The following DHX9 variants were observed in gnomAD, a reference collection of about 807,000 sequenced individuals.
The protein encoded by DHX9 is ATP-dependent RNA helicase A.
Under a neutral mutation model 148.7 loss-of-function variants are expected in DHX9, and 27 were observed. The ratio of observed to expected loss-of-function variants is 0.18; its 90% CI spans 0.13 to 0.25. The LOEUF (loss-of-function observed/expected upper bound fraction) is 0.25. Ranked by LOEUF, DHX9 falls within the 10% of genes least tolerant of loss-of-function variation. DHX9 has a pLI of 1.00. For synonymous variants in DHX9, 529 were observed against 516.6 expected (o/e 1.02, Z -0.33); for missense variants, 796 against 1,559.6 (o/e 0.51, Z 8.25).
At chr1:182,854,290 T>G (rs1668214222) in intron 6 of DHX9, 112 bp downstream of exon 6, 10 of 999,636 alleles carry the variant, frequency 1.0e-5, no homozygotes, top group African/African-American at 3.2e-5. Flanking sequence ...TGGATTAGAA[T>G]TGAATTGTTA....
rs1411740270 is a variant in DHX9, at chr1:182,887,413, A to G, written c.3792A>G (p.Gly1264=). 3 of 1,613,384 alleles carry G rather than the reference A, an allele frequency of 1.9e-6. No individual in the cohort carries two copies. The highest frequency in any genetic ancestry group is 2.7e-5 in the African/African-American group (2 of 74,900). Residue 1264 remains glycine (G), a synonymous_variant, in exon 28 of 28, where the codon GGA becomes GGG. Transcript: ENST00000367549. ...GAYGTGYFGQ[G]RGGGGY ...ATGGAACTGGCTACTTTGGACAGGG[A>G]AGAGGAGGTGGCGGCTATTAAAACT... is the stretch of plus-strand genomic sequence containing the variant.
At chr1:182,852,394 C>A in intron 4 of DHX9, 50 bp downstream of exon 4, 1 of 1,282,956 alleles carries the variant, frequency 7.8e-7, no homozygotes, top group Non-Finnish European at 1.1e-6. Context: ...TATACACAAT[C>A]TTGATCACCA....
Position 182,858,540 on chromosome 1 carries a change from T to G in DHX9, c.811-11T>G. 6.3e-7 allele frequency: 1 copy of G among 1,592,778 alleles called. No individual in the cohort carries two copies. The highest frequency in any genetic ancestry group is 8.6e-7 in the Non-Finnish European group (1 of 1,166,648). On this transcript the variant is annotated splice_polypyrimidine_tract_variant and intron_variant, in intron 8 of 27. Coordinates refer to ENST00000367549, the MANE Select transcript of DHX9 (RefSeq NM_001357.5). ...GAGTAGTGTTGTTAATGTGTGATCC[T>G]TTTTCCATAGGTGGAGCCTTACAAA...
chr1:182,850,385 A>G (rs1471274125), intron 3 of DHX9, among the ~76,000 whole-genome samples: 1 of 152,154 alleles, frequency 6.6e-6, no homozygotes. Context: ...TCTTGAGTCC[A>G]GAAGTTCAAG....
At position 182,843,430 on chromosome 1, in the gene DHX9, T is replaced by C; in HGVS notation, c.248T>C (p.Phe83Ser). The C allele has an allele frequency of 6.3e-7, 1 of 1,598,332 alleles. No individual in the cohort carries two copies. Among genetic ancestry groups the C allele is most frequent in the South Asian group, 1.1e-5 (1 of 88,016 alleles). Reference sequence around the variant, plus strand: ...ATAAAGAGTGAAGAAGTTCCAGCTTTTGGGGTAAGTACCTATGGCGAAGCA... The same window carrying C: ...ATAAAGAGTGAAGAAGTTCCAGCTTCTGGGGTAAGTACCTATGGCGAAGCA... ...NEIKSEEVPAFGVASPPPLTD... is the reference protein window; with the variant it reads ...NEIKSEEVPASGVASPPPLTD... Residue 83 changes from phenylalanine to serine, a missense_variant, in exon 3 of 28, where the codon TTT becomes TCT. Around this residue, in one of 14 missense-constraint regions of DHX9, gnomAD observed 89 missense variants for 77.5 expected, o/e 1.15. Coordinates refer to ENST00000367549, the MANE Select transcript of DHX9 (RefSeq NM_001357.5).
Position 182,852,341 on chromosome 1 carries a change from G to C in DHX9, c.361G>C (p.Ala121Pro). The C allele has an allele frequency of 1.2e-6, 2 of 1,603,824 alleles. No individual in the cohort carries two copies. Among genetic ancestry groups the C allele is most frequent in the South Asian group, 2.2e-5 (2 of 90,156 alleles). Residue 121 changes from alanine (A) to proline (P), a missense_variant, in exon 4 of 28, where the codon GCA (alanine) becomes CCA (proline). Physicochemically the swap from Ala to Pro is conservative, Grantham distance 27. Coordinates refer to ENST00000367549, the MANE Select transcript of DHX9 (RefSeq NM_001357.5). ...TCTTCCTCCACATCTGGCTCTCAAA[G>C]CAGGTAAGGGACTTGAATCCATGCA... ...GPLPPHLALK[A>P]ENNSEVGASG...
At chr1:182,873,838 A>G (rs1479522450) in intron 15 of DHX9, among the ~76,000 whole-genome samples, 1 of 152,192 alleles carries the variant, frequency 6.6e-6, no homozygotes. Context: ...GGCTGCTTCT[A>G]GGATGAAACA....
At chr1:182,854,362 A>G (rs898182378) in intron 6 of DHX9, among the ~76,000 whole-genome samples, 184 bp downstream of exon 6, 1 of 151,858 alleles carries the variant, frequency 6.6e-6, no homozygotes, top group Admixed American at 6.6e-5. Flanking sequence ...TGGTTTTCAC[A>G]TGAGTGAATT....
chr1:182,854,254 T>A (rs1668213270), intron 6 of DHX9, 76 bp downstream of exon 6: 1 of 1,341,328 alleles, frequency 7.5e-7, no homozygotes, highest in African/African-American at 1.5e-5. Context: ...TATAATCTAT[T>A]TTTGTACGTT....
chr1:182,842,605 C>A lies in DHX9; in HGVS notation c.39C>A (p.Gly13=), dbSNP rs1667952608. Residue 13 remains glycine (G), a synonymous_variant, in exon 2 of 28, where the codon GGC becomes GGA. Coordinates refer to ENST00000367549, the MANE Select transcript of DHX9 (RefSeq NM_001357.5). ...DVKNFLYAWC[G]KRKMTPSYEI... The stretch of plus-strand genomic sequence containing the variant: ...AAAATTTTCTGTATGCCTGGTGTGG[C>A]AAAAGGAAGATGACCCCATCCTATG... 6.2e-7 allele frequency: 1 copy of A among 1,613,062 alleles called. No individual in the cohort carries two copies.
intron 14 of DHX9, among the ~76,000 whole-genome samples, chr1:182,870,668 A>G (rs1224377498): frequency 6.6e-6 from 1 of 152,216 alleles, no homozygotes; most frequent in East Asian, 1.9e-4. Context: ...AGAACTTTAA[A>G]CGTGTTGACA....
chr1:182,842,343 T>C (rs1220871860), intron 1 of DHX9, among the ~76,000 whole-genome samples: 2 of 152,238 alleles, frequency 1.3e-5, no homozygotes, highest in Non-Finnish European at 2.9e-5. Flanking sequence ...GTACTTTTCA[T>C]GAAGTTCAAA....
chr1:182,843,731 C>T (rs888202999), intron 3 of DHX9, among the ~76,000 whole-genome samples: 1 of 152,044 alleles, frequency 6.6e-6, no homozygotes, highest in African/African-American at 2.4e-5. Context: ...CCATTCATTA[C>T]CAATGATAAT....
At position 182,860,938 on chromosome 1, in the gene DHX9, G is replaced by A. The variant is rs140111910; in HGVS notation, c.1332+754G>A. Among the ~76,000 whole-genome samples, 973 of 152,282 alleles carry A rather than the reference G, an allele frequency of 6.4e-3. 6 individuals carry two copies. Among genetic ancestry groups the A allele is most frequent in the South Asian group, 0.016 (78 of 4,832 alleles). On this transcript the variant is annotated intron_variant, in intron 12 of 27. Coordinates refer to ENST00000367549, the MANE Select transcript of DHX9 (RefSeq NM_001357.5). ...ATAGCCAGGTACTACCTCTGAGGTAGGCTTACATCTTGACTTAGAAATTAT... is the reference window on the plus strand; with the variant it reads ...ATAGCCAGGTACTACCTCTGAGGTAAGCTTACATCTTGACTTAGAAATTAT...
chr1:182,884,578 C>T (rs756706357), intron 26 of DHX9, 35 bp from the exon 27 acceptor site: 304 of 1,580,204 alleles, frequency 1.9e-4, no homozygotes, highest in Non-Finnish European at 2.5e-4. Context: ...TACATATACT[C>T]CCTCTCTTAT....
At position 182,881,244 on chromosome 1, in the gene DHX9, A is replaced by G; in HGVS notation, c.2625-20A>G. 1 of 1,606,748 alleles carries G rather than the reference A, an allele frequency of 6.2e-7. No homozygotes were observed. The highest frequency in any genetic ancestry group is 8.5e-7 in the Non-Finnish European group (1 of 1,176,458). Reference sequence around the variant, plus strand: ...AACATTGTGATCTAGTCTGGATTTAACTGTCTTTGTGTATTTCAGCGTGGG... The same window carrying G: ...AACATTGTGATCTAGTCTGGATTTAGCTGTCTTTGTGTATTTCAGCGTGGG... On this transcript the variant is annotated intron_variant, in intron 22 of 27. Coordinates refer to ENST00000367549, the MANE Select transcript of DHX9 (RefSeq NM_001357.5).
At chr1:182,886,396 A>C (rs921346020) in intron 27 of DHX9, among the ~76,000 whole-genome samples, 4 of 151,862 alleles carry the variant, frequency 2.6e-5, no homozygotes, top group Admixed American at 6.6e-5. Flanking sequence ...GGGTTTTGCC[A>C]TGTTGCCCAG....
At chr1:182,862,157 T>G (rs1454638735) in intron 12 of DHX9, among the ~76,000 whole-genome samples, 1 of 152,248 alleles carries the variant, frequency 6.6e-6, no homozygotes, top group Non-Finnish European at 1.5e-5. Context: ...CTTGCACTTG[T>G]AGCCATCTAT....
intron 24 of DHX9, 54 bp downstream of exon 24, chr1:182,881,701 T>C (rs970123209): frequency 2.0e-5 from 30 of 1,513,896 alleles, no homozygotes; most frequent in Middle Eastern, 2.0e-4. Context: ...ATATAGTACA[T>C]GCAAATTGAC....
Sources: allele counts gnomAD v4.1 joint callset (sites outside exome capture counted in the v4.1 genomes callset), GRCh38; gene constraint gnomAD v4.1.1; regional missense constraint gnomAD v4.1.1; transcripts MANE v1.5; gene names NCBI Gene and HGNC (gene_info 2026-07-23, HGNC 2026-07-21).